Variants in CLGN observed in about 807,000 individuals in gnomAD.
The protein encoded by CLGN is testis tissue sperm-binding protein Li 79P.
A neutral mutation model predicts 79.1 loss-of-function variants in CLGN; 62 were observed. The observed-to-expected ratio is 0.78, with a 90% CI of 0.64 to 0.97. The LOEUF is 0.97. Among genes scored for constraint, CLGN ranks in the 50% least tolerant of loss-of-function variants. The probability of loss-of-function intolerance (pLI) is 0.00; values close to 1 mark genes in which losing one functional copy is unlikely to be tolerated. For missense variants in CLGN, 647 were observed against 715.5 expected (o/e 0.90, Z 1.09); for synonymous variants, 225 against 224.7 (o/e 1.00, Z -0.01).
intron 7 of CLGN, among the ~76,000 whole-genome samples, chr4:140,399,370 C>A (rs1728954591): frequency 6.6e-6 from 1 of 152,142 alleles, no homozygotes; most frequent in African/African-American, 2.4e-5. Context: ...TCTTTTTCAG[C>A]ATTTAATTTT....
At chr4:140,392,788 T>G (rs2126614080) in intron 11 of CLGN, 77 bp from the exon 12 acceptor site, 6 of 1,371,888 alleles carry the variant, frequency 4.4e-6, no homozygotes, top group Non-Finnish European at 5.8e-6. Context: ...ACAAAAAAAC[T>G]TATTTACTCA....
chr4:140,410,143 C>T (rs927176348), intron 3 of CLGN, among the ~76,000 whole-genome samples: 23 of 152,126 alleles, frequency 1.5e-4, no homozygotes, highest in African/African-American at 5.1e-4. Flanking sequence ...ACCTCGGTTT[C>T]TCCACCTGTA....
intron 1 of CLGN, among the ~76,000 whole-genome samples, chr4:140,413,469 C>T (rs1729254686): frequency 6.6e-6 from 1 of 152,180 alleles, no homozygotes; most frequent in Non-Finnish European, 1.5e-5. Context: ...TAGGGAGTGC[C>T]AGACAGTGGG....
chr4:140,413,970 G>T (rs902202454), intron 1 of CLGN, among the ~76,000 whole-genome samples: 7 of 152,234 alleles, frequency 4.6e-5, no homozygotes, highest in Non-Finnish European at 8.8e-5. Flanking sequence ...TGACAGCTTT[G>T]AAGAGAGCAG....
At chr4:140,400,194 CT>C (rs1229981242) in intron 7 of CLGN, among the ~76,000 whole-genome samples, 162 bp downstream of exon 7, 1 of 152,130 alleles carries the variant, frequency 6.6e-6, no homozygotes, top group East Asian at 1.9e-4. Context: ...TTATATGGTA[CT>C]TTATTTTCTA....
Position 140,396,145 on chromosome 4 carries a change from A to AAGCC in CLGN, c.941_944dup (p.Asp316AlafsTer2). 6.2e-7 allele frequency: 1 copy of AAGCC among 1,614,178 alleles called. No individual in the cohort carries two copies. The highest frequency in any genetic ancestry group is 8.5e-7 in the Non-Finnish European group (1 of 1,180,030). On this transcript the variant is annotated frameshift_variant, in exon 9 of 15. Coordinates refer to ENST00000325617, the MANE Select transcript of CLGN (RefSeq NM_004362.3). LOFTEE classifies it high-confidence loss of function. ...CAGGGATAAATTTTGGTTCATCATC[A>AAGCC]AGCCAGCCAGCAGGTTTAACAACAC...
Position 140,388,867 on chromosome 4 carries a change from T to C in CLGN, c.*357A>G, listed in dbSNP as rs1728722505. ...TACCAGTTATATTGTTGTATAGCCA[T>C]TTAAGTGGAAATTCCAATAACTGAT... On this transcript the variant is annotated 3_prime_UTR_variant, in exon 15 of 15. Transcript: ENST00000325617. 1 of 189,944 alleles carries C rather than the reference T, an allele frequency of 5.3e-6. No individual in the cohort carries two copies. Among genetic ancestry groups the C allele is most frequent in the South Asian group, 1.3e-4 (1 of 7,738 alleles). The allele number at this position is 189,944 out of a possible 1,614,324, so 11.8% of individuals were successfully genotyped here. A position where few individuals can be genotyped will look rare whatever the true frequency, so the allele number is the denominator to read the frequency against.
chr4:140,418,108 T>C (rs1729382111), intron 1 of CLGN, among the ~76,000 whole-genome samples: 1 of 150,474 alleles, frequency 6.6e-6, no homozygotes, highest in South Asian at 2.1e-4. Context: ...GGGAAAGGAT[T>C]CCCTATTTAA....
At chr4:140,399,546 G>T (rs58388393) in intron 7 of CLGN, among the ~76,000 whole-genome samples, 2,737 of 152,328 alleles carry the variant, frequency 0.018, 89 homozygotes, top group African/African-American at 0.062. Context: ...TATTGAAGAT[G>T]AAATGGGCAT....
chr4:140,401,405 C>T (rs1315153156), intron 6 of CLGN, among the ~76,000 whole-genome samples: 1 of 152,060 alleles, frequency 6.6e-6, no homozygotes, highest in Non-Finnish European at 1.5e-5. Context: ...GCTAAGTGTT[C>T]TGAAAAATAT....
At chr4:140,409,294 A>G (rs989719486) in intron 4 of CLGN, among the ~76,000 whole-genome samples, 1 of 152,040 alleles carries the variant, frequency 6.6e-6, no homozygotes, top group Admixed American at 6.6e-5. Flanking sequence ...GGGTAGTCCT[A>G]TTAGGGAAGA....
chr4:140,413,714 G>A (rs890036459), intron 1 of CLGN, among the ~76,000 whole-genome samples: 2 of 152,190 alleles, frequency 1.3e-5, no homozygotes, highest in African/African-American at 2.4e-5. Flanking sequence ...TTACGCCCAC[G>A]GAGTCTCGCT....
At chr4:140,420,742 C>T (rs76039156) in intron 1 of CLGN, among the ~76,000 whole-genome samples, 2,031 of 152,130 alleles carry the variant, frequency 0.013, 47 homozygotes, top group African/African-American at 0.047. Context: ...TGTGACATCT[C>T]ATTTCTTAGA....
chr4:140,424,448 T>G (rs1320805206), intron 1 of CLGN, among the ~76,000 whole-genome samples: 1 of 152,192 alleles, frequency 6.6e-6, no homozygotes, highest in Non-Finnish European at 1.5e-5. Flanking sequence ...CTGGAGAATG[T>G]TCTATGTGCA....
At position 140,409,840 on chromosome 4, in the gene CLGN, C is replaced by T. The variant is rs377056189; in HGVS notation, c.274G>A (p.Asp92Asn). ...DDMDEEISIY[D>N]GRWEIEELKE... ...AATACTTAAATAAATATTTTACCAT[C>T]GTATATTGAAATTTCCTCATCCATG... Residue 92 changes from aspartate to asparagine, a missense_variant, in exon 4 of 15, where the codon GAT becomes AAT. By Grantham distance (23) the Asp-to-Asn change is conservative. Transcript: ENST00000325617. The T allele has an allele frequency of 3.0e-5, 47 of 1,580,620 alleles. No individual in the cohort carries two copies. In the African/African-American group the frequency reaches 4.2e-4, roughly 14 times the overall value.
In CLGN at chr4:140,399,043, A is replaced by G; in HGVS notation, c.695-3T>C. 2.5e-6 allele frequency: 4 copies of G among 1,593,662 alleles called. No individual in the cohort carries two copies. The highest frequency in any genetic ancestry group is 3.4e-6 in the Non-Finnish European group (4 of 1,173,236). ...AAATGTGTCATCTGGATTCATCACT[A>G]AGGGACCAATTTAAATAAATTATAG... On this transcript the variant is annotated splice_region_variant and splice_polypyrimidine_tract_variant and intron_variant, in intron 7 of 14. Transcript: ENST00000325617.
chr4:140,396,649 C>T (rs1020150422), intron 8 of CLGN, among the ~76,000 whole-genome samples: 22 of 151,580 alleles, frequency 1.5e-4, no homozygotes, highest in African/African-American at 4.1e-4. Flanking sequence ...CTCTGCCTTC[C>T]GGGTTCAAGC....
intron 5 of CLGN, among the ~76,000 whole-genome samples, chr4:140,404,395 T>G (rs907492936): frequency 6.6e-6 from 1 of 152,126 alleles, no homozygotes; most frequent in Non-Finnish European, 1.5e-5. Context: ...GCCAGGCCTT[T>G]ACTTCCTACG....
At chr4:140,424,176 C>T (rs1416501854) in intron 1 of CLGN, among the ~76,000 whole-genome samples, 2 of 152,108 alleles carry the variant, frequency 1.3e-5, no homozygotes, top group African/African-American at 4.8e-5. Flanking sequence ...TTTAACACTG[C>T]TTTCACTGTA....
Sources: gnomAD v4.1 joint callset for allele counts (sites outside exome capture counted in the v4.1 genomes callset) on GRCh38, gnomAD v4.1.1 for gene constraint, MANE v1.5 for transcripts, NCBI Gene and HGNC (gene_info 2026-07-23, HGNC 2026-07-21) for gene names.